SMIM13: variants seen among roughly 807,000 people sequenced by gnomAD.
SMIM13 encodes the protein UPF0766 protein C6orf228.
Under a neutral mutation model 5.9 loss-of-function variants are expected in SMIM13, and 3 were observed. That is an observed-to-expected ratio of 0.51 (90% CI 0.23 to 1.31). SMIM13 has a LOEUF of 1.31. Among genes scored for constraint, SMIM13 ranks in the 40% most tolerant of loss-of-function variants. SMIM13 has a pLI of 0.18. For missense variants in SMIM13, 85 were observed against 109.9 expected (o/e 0.77, Z 1.01); for synonymous variants, 55 against 46.0 (o/e 1.19, Z -0.79).
intron 1 of SMIM13, among the ~76,000 whole-genome samples, chr6:11,128,974 T>C (rs1485832129): frequency 2.0e-5 from 3 of 152,044 alleles, no homozygotes; most frequent in Non-Finnish European, 4.4e-5. Flanking sequence ...CTTTTATTAA[T>C]ATGATGTTAA....
intron 1 of SMIM13, among the ~76,000 whole-genome samples, chr6:11,117,935 C>A (rs947550654): frequency 6.6e-6 from 1 of 152,136 alleles, no homozygotes; most frequent in African/African-American, 2.4e-5. Context: ...GGAGTTTCAC[C>A]ATGTTGGCCA....
intron 1 of SMIM13, among the ~76,000 whole-genome samples, chr6:11,108,334 C>T (rs1561754115): frequency 6.6e-6 from 1 of 152,198 alleles, no homozygotes; most frequent in South Asian, 2.1e-4. Context: ...GCCCTTGGCT[C>T]TGTCCCTTCA....
intron 1 of SMIM13, among the ~76,000 whole-genome samples, chr6:11,108,161 C>T (rs759406689): frequency 2.0e-5 from 3 of 152,174 alleles, no homozygotes; most frequent in Non-Finnish European, 4.4e-5. Context: ...TGAGAAAAGA[C>T]GGTTTTCCCC....
At chr6:11,101,032 CTT>C (rs200622017) in intron 1 of SMIM13, among the ~76,000 whole-genome samples, 30 of 127,500 alleles carry the variant, frequency 2.4e-4, no homozygotes, top group South Asian at 9.8e-4. Context: ...TCTCCATTTT[CTT>C]TTTTTTTTTT....
chr6:11,123,082 A>G (rs1267735973), intron 1 of SMIM13, among the ~76,000 whole-genome samples: 1 of 152,166 alleles, frequency 6.6e-6, no homozygotes, highest in Non-Finnish European at 1.5e-5. Context: ...TCTCAGGGAT[A>G]GGCCCTATAT....
At chr6:11,126,136 G>A (rs984474817) in intron 1 of SMIM13, among the ~76,000 whole-genome samples, 3 of 152,032 alleles carry the variant, frequency 2.0e-5, no homozygotes, top group South Asian at 4.2e-4. Context: ...CACAACCTCC[G>A]CCTCCCGGGT....
intron 1 of SMIM13, among the ~76,000 whole-genome samples, chr6:11,112,488 A>G (rs1758183156): frequency 6.6e-6 from 1 of 152,108 alleles, no homozygotes; most frequent in Non-Finnish European, 1.5e-5. Context: ...CCTGACCTCA[A>G]GTGATCTGCT....
chr6:11,118,715 C>G (rs1408332637), intron 1 of SMIM13, among the ~76,000 whole-genome samples: 3 of 152,160 alleles, frequency 2.0e-5, no homozygotes, highest in Non-Finnish European at 4.4e-5. Flanking sequence ...GTAGTAGTCT[C>G]ATATCTGTAT....
chr6:11,116,282 G>C (rs951093260), intron 1 of SMIM13, among the ~76,000 whole-genome samples: 5 of 152,180 alleles, frequency 3.3e-5, no homozygotes, highest in African/African-American at 1.2e-4. Context: ...GCTTCCCAAA[G>C]TGCTGGGATT....
chr6:11,110,319 T>C (rs919849885), intron 1 of SMIM13, among the ~76,000 whole-genome samples: 3 of 152,214 alleles, frequency 2.0e-5, no homozygotes, highest in African/African-American at 7.2e-5. Flanking sequence ...CTCTGTTCTA[T>C]GGGTACTTTG....
chr6:11,121,780 G>T (rs1409858962), intron 1 of SMIM13, among the ~76,000 whole-genome samples: 1 of 152,170 alleles, frequency 6.6e-6, no homozygotes. Flanking sequence ...TCTACTTGGA[G>T]CAAGATACAG....
intron 1 of SMIM13, among the ~76,000 whole-genome samples, chr6:11,115,897 G>T (rs1758232472): frequency 6.6e-6 from 1 of 151,384 alleles, no homozygotes. Context: ...ATGTTGGTCA[G>T]GCTGGTCTCG....
chr6:11,108,374 G>T (rs1051775823), intron 1 of SMIM13, among the ~76,000 whole-genome samples: 4 of 152,188 alleles, frequency 2.6e-5, no homozygotes, highest in African/African-American at 9.7e-5. Context: ...GAGCCAAGTG[G>T]AGCGTAGGGC....
chr6:11,115,185 A>G (rs1055783266), intron 1 of SMIM13, among the ~76,000 whole-genome samples: 5 of 152,240 alleles, frequency 3.3e-5, no homozygotes, highest in Admixed American at 3.3e-4. Context: ...AAGCATTTAC[A>G]TACAATTGCT....
chr6:11,133,844 A>G (rs1758483143), intron 1 of SMIM13, among the ~76,000 whole-genome samples: 1 of 151,934 alleles, frequency 6.6e-6, no homozygotes, highest in South Asian at 2.1e-4. Context: ...AATCTAAGAT[A>G]TTGGTGCCGT....
chr6:11,114,287 C>T (rs562235810), intron 1 of SMIM13, among the ~76,000 whole-genome samples: 1 of 152,152 alleles, frequency 6.6e-6, no homozygotes, highest in Admixed American at 6.5e-5. Flanking sequence ...CCTTTTCTTC[C>T]CAATGTGTAC....
At chr6:11,106,376 G>A (rs2113645722) in intron 1 of SMIM13, among the ~76,000 whole-genome samples, 1 of 152,358 alleles carries the variant, frequency 6.6e-6, no homozygotes, top group African/African-American at 2.4e-5. Flanking sequence ...GATGGAGAGG[G>A]CTTCCCCGTC....
intron 1 of SMIM13, chr6:11,105,291 A>G (rs1758068646): frequency 6.2e-7 from 1 of 1,613,526 alleles, no homozygotes; most frequent in Admixed American, 1.7e-5. Flanking sequence ...GAGAATGAGA[A>G]CCAGCAGGAG....
At chr6:11,132,909 A>G (rs1220224278) in intron 1 of SMIM13, among the ~76,000 whole-genome samples, 6 of 152,174 alleles carry the variant, frequency 3.9e-5, no homozygotes, top group East Asian at 1.9e-4. Context: ...CTTTAAAAGG[A>G]TGAATTTTAG....
Sources: gnomAD v4.1 joint callset for allele counts (sites outside exome capture counted in the v4.1 genomes callset) on GRCh38, gnomAD v4.1.1 for gene constraint, MANE v1.5 for transcripts, NCBI Gene and HGNC (gene_info 2026-07-23, HGNC 2026-07-21) for gene names.